Variants in CFAP43 observed in about 807,000 individuals in gnomAD.
CFAP43 encodes cilia and flagella associated protein 43, also known as cilia- and flagella-associated protein 43.
A neutral mutation model predicts 218.9 loss-of-function variants in CFAP43; 155 were observed. That is an observed-to-expected ratio of 0.71 (90% CI 0.62 to 0.81). The LOEUF (loss-of-function observed/expected upper bound fraction) is 0.81, where lower values mean the gene tolerates loss of function less well. Among genes scored for constraint, CFAP43 ranks in the 30% least tolerant of loss-of-function variants. CFAP43 has a pLI of 0.00. For missense variants in CFAP43, 1,778 were observed against 1,954.3 expected (o/e 0.91, Z 1.70); for synonymous variants, 645 against 681.3 (o/e 0.95, Z 0.83).
intron 8 of CFAP43, among the ~76,000 whole-genome samples, chr10:104,202,375 A>G (rs1335289208): frequency 6.6e-6 from 1 of 152,142 alleles, no homozygotes; most frequent in Non-Finnish European, 1.5e-5. Context: ...CATTTTATGT[A>G]TTCTGTTTGG....
intron 27 of CFAP43, among the ~76,000 whole-genome samples, chr10:104,156,590 C>T (rs1288169613): frequency 6.6e-6 from 1 of 152,090 alleles, no homozygotes; most frequent in Admixed American, 6.5e-5. Context: ...AAAAACCTTA[C>T]CAAAAAGTGG....
Position 104,232,354 on chromosome 10 carries a change from T to A in CFAP43, c.-108A>T. ...TGCGGGCCGCGACGCCGCTGCTGTG[T>A]ACACCCGTATCCCGGAGACCGTAAG... On this transcript the variant is annotated 5_prime_UTR_variant, in exon 1 of 38. Coordinates refer to ENST00000357060, the MANE Select transcript of CFAP43 (RefSeq NM_025145.7). 8.8e-7 allele frequency: 1 copy of A among 1,132,556 alleles called. No individual in the cohort carries two copies. The highest frequency in any genetic ancestry group is 1.2e-6 in the Non-Finnish European group (1 of 829,978). 70.2% of individuals were successfully genotyped at this position (1,132,556 alleles called of 1,614,324 possible).
At chr10:104,181,002 A>G (rs987980802) in intron 17 of CFAP43, among the ~76,000 whole-genome samples, 6 of 152,066 alleles carry the variant, frequency 3.9e-5, no homozygotes, top group Non-Finnish European at 7.4e-5. Flanking sequence ...CTTGACTCAA[A>G]TCAACATATC....
intron 5 of CFAP43, among the ~76,000 whole-genome samples, chr10:104,211,551 C>T (rs1237872943): frequency 1.3e-5 from 2 of 152,170 alleles, no homozygotes; most frequent in African/African-American, 4.8e-5. Flanking sequence ...TTCCTTTCGC[C>T]CCTGAGTTCA....
chr10:104,213,813 G>A (rs574229745), intron 4 of CFAP43, among the ~76,000 whole-genome samples: 2 of 152,294 alleles, frequency 1.3e-5, no homozygotes, highest in South Asian at 4.1e-4. Flanking sequence ...GGGACTACAG[G>A]CGTGAGCCAC....
At chr10:104,173,458 G>A (rs1187332299) in intron 19 of CFAP43, among the ~76,000 whole-genome samples, 4 of 152,306 alleles carry the variant, frequency 2.6e-5, no homozygotes, top group Admixed American at 2.6e-4. Context: ...TAAGAGTGCT[G>A]GCAGGTTGAT....
chr10:104,184,276 G>A (rs1171221945), intron 16 of CFAP43, among the ~76,000 whole-genome samples: 3 of 152,060 alleles, frequency 2.0e-5, no homozygotes, highest in African/African-American at 4.8e-5. Flanking sequence ...CTCCTTGTTT[G>A]GGGACTGAAA....
intron 3 of CFAP43, among the ~76,000 whole-genome samples, chr10:104,214,733 C>T (rs1980797): frequency 0.14 from 20,842 of 152,228 alleles, 1,499 homozygotes; most frequent in South Asian, 0.21. Flanking sequence ...ATCACATTTG[C>T]TACAAAACAA....
intron 3 of CFAP43, among the ~76,000 whole-genome samples, chr10:104,220,949 CGTGT>C (rs68093596): frequency 0.14 from 20,763 of 143,492 alleles, 1,470 homozygotes; most frequent in East Asian, 0.26. Context: ...TATGAGTGAG[CGTGT>C]GTGTGTGTGT....
chr10:104,209,479 A>G (rs536368057), intron 5 of CFAP43, among the ~76,000 whole-genome samples: 3 of 152,348 alleles, frequency 2.0e-5, no homozygotes, highest in South Asian at 2.1e-4. Context: ...CAAATAAAAA[A>G]GGTTTTAAAA....
At chr10:104,148,027 T>C (rs2088062417) in intron 28 of CFAP43, 29 bp from the exon 29 acceptor site, 1 of 1,438,614 alleles carries the variant, frequency 7.0e-7, no homozygotes, top group Non-Finnish European at 9.5e-7. Flanking sequence ...AAAAGGTTGG[T>C]GGAATTACTT....
chr10:104,144,521 T>C (rs961237303), intron 31 of CFAP43, among the ~76,000 whole-genome samples: 34 of 152,116 alleles, frequency 2.2e-4, no homozygotes, highest in African/African-American at 8.2e-4. Context: ...TGGTGGCATG[T>C]GCCTGTAGTC....
chr10:104,201,192 A>C (rs1304654893), intron 8 of CFAP43, among the ~76,000 whole-genome samples: 1 of 152,142 alleles, frequency 6.6e-6, no homozygotes, highest in African/African-American at 2.4e-5. Flanking sequence ...GGTAAATTTA[A>C]TATTTTATTA....
intron 28 of CFAP43, among the ~76,000 whole-genome samples, chr10:104,149,969 G>A (rs543254895): frequency 5.1e-4 from 77 of 152,086 alleles, no homozygotes; most frequent in Non-Finnish European, 8.4e-4. Context: ...CAAAAGCAAC[G>A]ACTTTCTAAT....
At chr10:104,211,769 A>C (rs2090870408) in intron 5 of CFAP43, among the ~76,000 whole-genome samples, 1 of 152,004 alleles carries the variant, frequency 6.6e-6, no homozygotes, top group Admixed American at 6.6e-5. Context: ...GTATGCCCAA[A>C]ATGGAAATCA....
intron 27 of CFAP43, among the ~76,000 whole-genome samples, chr10:104,157,705 T>C (rs996964992): frequency 2.7e-5 from 4 of 149,920 alleles, no homozygotes; most frequent in Admixed American, 6.7e-5. Flanking sequence ...TGCTGTCGAA[T>C]TGGAATTGAG....
intron 8 of CFAP43, among the ~76,000 whole-genome samples, chr10:104,198,431 G>A (rs910291127): frequency 1.8e-4 from 27 of 151,924 alleles, no homozygotes; most frequent in African/African-American, 4.1e-4. Context: ...ACAGGCATGC[G>A]CCACCACGCC....
chr10:104,217,307 CA>C (rs886695620), intron 3 of CFAP43, among the ~76,000 whole-genome samples: 1 of 150,370 alleles, frequency 6.7e-6, no homozygotes, highest in African/African-American at 2.5e-5. Context: ...CCAAGCCTTG[CA>C]TTTTTTTCTT....
intron 5 of CFAP43, among the ~76,000 whole-genome samples, chr10:104,210,838 T>G (rs552656072): frequency 7.4e-6 from 1 of 134,232 alleles, no homozygotes; most frequent in Admixed American, 9.1e-5. Context: ...TCGCCCAGGC[T>G]GGAGTGCAGT....
Sources: gnomAD v4.1 joint callset for allele counts (sites outside exome capture counted in the v4.1 genomes callset) on GRCh38, gnomAD v4.1.1 for gene constraint, MANE v1.5 for transcripts, NCBI Gene and HGNC (gene_info 2026-07-23, HGNC 2026-07-21) for gene names.